L3MBTL4: variants seen among roughly 807,000 people sequenced by gnomAD.
The protein encoded by L3MBTL4 is lethal(3)malignant brain tumor-like protein 4.
L3MBTL4 carries 70 observed loss-of-function variants against 84.5 expected under a neutral mutation model. That is an observed-to-expected ratio of 0.83 (90% CI 0.68 to 1.01). The LOEUF is 1.01. L3MBTL4 is among the 50% of genes least tolerant of loss of function. The pLI is 0.00. For missense variants in L3MBTL4, 715 were observed against 754.8 expected (o/e 0.95, Z 0.62); for synonymous variants, 274 against 259.8 (o/e 1.05, Z -0.52).
At chr18:6,391,823 A>C (rs1049292983) in intron 1 of L3MBTL4, among the ~76,000 whole-genome samples, 6 of 151,190 alleles carry the variant, frequency 4.0e-5, no homozygotes, top group African/African-American at 1.2e-4. Context: ...CTACAAGGAT[A>C]ACTGCAAAAC....
chr18:6,149,724 C>T (rs2042810050), intron 13 of L3MBTL4, among the ~76,000 whole-genome samples: 1 of 152,120 alleles, frequency 6.6e-6, no homozygotes, highest in Non-Finnish European at 1.5e-5. Context: ...TTATTTTGCC[C>T]TAAACCTCCT....
At chr18:6,227,837 AT>A (rs993646713) in intron 10 of L3MBTL4, among the ~76,000 whole-genome samples, 10 of 151,470 alleles carry the variant, frequency 6.6e-5, no homozygotes, top group Non-Finnish European at 7.4e-5. Context: ...CACCTAGCTA[AT>A]TTTTTTTTAA....
intron 16 of L3MBTL4, among the ~76,000 whole-genome samples, chr18:6,028,703 T>G (rs2055632750): frequency 6.6e-6 from 1 of 152,234 alleles, no homozygotes; most frequent in Admixed American, 6.5e-5. Context: ...GTGTCCTCTC[T>G]TATTTCCTTG....
intron 4 of L3MBTL4, among the ~76,000 whole-genome samples, chr18:6,282,356 T>C (rs1200290142): frequency 6.6e-6 from 1 of 152,182 alleles, no homozygotes; most frequent in Admixed American, 6.5e-5. Flanking sequence ...AAGACTTGTC[T>C]GAGAAATCAG....
In L3MBTL4 at chr18:6,084,817, C is replaced by T. The variant is rs1295428772; in HGVS notation, c.1374-3866G>A. Reference sequence around the variant, plus strand: ...GGTGAGAGATGGTAGAAAAAGCCTTCAGGAGATGAGTTTGAACTGGGCCTC... The same window carrying T: ...GGTGAGAGATGGTAGAAAAAGCCTTTAGGAGATGAGTTTGAACTGGGCCTC... On this transcript the variant is annotated intron_variant, in intron 15 of 18. Coordinates refer to ENST00000317931, the MANE Select transcript of L3MBTL4 (RefSeq NM_001330559.2). Among the ~76,000 whole-genome samples the T allele has an allele frequency of 2.0e-5, 3 of 152,166 alleles. No homozygotes were observed. The East Asian group carries it at 5.8e-4, about 29-fold the overall frequency.
intron 14 of L3MBTL4, among the ~76,000 whole-genome samples, chr18:6,106,070 T>C (rs2058995723): frequency 6.6e-6 from 1 of 152,196 alleles, no homozygotes; most frequent in African/African-American, 2.4e-5. Flanking sequence ...ACTGTTATTA[T>C]CTGCATTTTA....
At chr18:6,186,002 ATATTT>A (rs543531502) in intron 12 of L3MBTL4, among the ~76,000 whole-genome samples, 18 of 134,182 alleles carry the variant, frequency 1.3e-4, no homozygotes, top group Non-Finnish European at 2.5e-4. Flanking sequence ...TTATTATTTT[ATATTT>A]TATTTTATTT....
intron 16 of L3MBTL4, among the ~76,000 whole-genome samples, chr18:6,012,927 T>A (rs965020618): frequency 2.0e-5 from 3 of 152,160 alleles, no homozygotes; most frequent in African/African-American, 4.8e-5. Context: ...TTCTGGCACC[T>A]CTCCTCTCTT....
In L3MBTL4 at chr18:6,213,171, T is replaced by A; in HGVS notation, c.959A>T (p.Asp320Val). 9 of 1,595,876 alleles carry A rather than the reference T, an allele frequency of 5.6e-6. No homozygotes were observed. Among genetic ancestry groups the A allele is most frequent in the Non-Finnish European group, 7.7e-6 (9 of 1,170,640 alleles). The change falls in exon 12 of 19, where the codon GAT (aspartate) becomes GTT (valine). Residue 320 changes from aspartate (D) to valine (V), a missense_variant. Asp to Val is a radical substitution (Grantham distance 152, BLOSUM62 -3). Coordinates refer to ENST00000317931, the MANE Select transcript of L3MBTL4 (RefSeq NM_001330559.2). ...PRLIRVATIVDVDDQRVKVHF... is the reference protein window; with the variant it reads ...PRLIRVATIVVVDDQRVKVHF... ...TACCTTTACTCTTTGGTCATCAACA[T>A]CTACAATCGTAGCAACACGAATTAA...
At chr18:6,277,277 T>TA (rs1400559398) in intron 4 of L3MBTL4, among the ~76,000 whole-genome samples, 1 of 152,080 alleles carries the variant, frequency 6.6e-6, no homozygotes, top group Non-Finnish European at 1.5e-5. Context: ...CCCTAAAACT[T>TA]AAAGTATAAT....
At chr18:6,287,010 C>T (rs950669631) in intron 4 of L3MBTL4, among the ~76,000 whole-genome samples, 1 of 152,160 alleles carries the variant, frequency 6.6e-6, no homozygotes, top group Non-Finnish European at 1.5e-5. Flanking sequence ...GATAAGGCAG[C>T]TTATGGTCCT....
intron 3 of L3MBTL4, 64 bp from the exon 4 acceptor site, chr18:6,302,021 A>G (rs2050361998): frequency 7.7e-7 from 1 of 1,300,814 alleles, no homozygotes; most frequent in Admixed American, 1.7e-5. Flanking sequence ...ACTGAAAACT[A>G]ATGTTCCTTT....
intron 1 of L3MBTL4, among the ~76,000 whole-genome samples, chr18:6,371,877 T>G (rs570987323): frequency 6.6e-6 from 1 of 152,332 alleles, no homozygotes; most frequent in South Asian, 2.1e-4. Context: ...AAGACATACA[T>G]GAATTCCATG....
At chr18:6,270,327 C>A (rs1287426930) in intron 4 of L3MBTL4, among the ~76,000 whole-genome samples, 1 of 152,092 alleles carries the variant, frequency 6.6e-6, no homozygotes, top group Non-Finnish European at 1.5e-5. Flanking sequence ...TCAGTACTAC[C>A]GAATTTAAAT....
intron 4 of L3MBTL4, among the ~76,000 whole-genome samples, chr18:6,288,011 C>G (rs573560826): frequency 7.2e-5 from 11 of 152,280 alleles, no homozygotes; most frequent in African/African-American, 2.2e-4. Context: ...TCGCTGCACT[C>G]CAGCCTGGGT....
chr18:6,323,947 G>A (rs1193588558), intron 1 of L3MBTL4, among the ~76,000 whole-genome samples: 7 of 149,188 alleles, frequency 4.7e-5, no homozygotes, highest in Admixed American at 2.0e-4. Context: ...GGAGGCCAAG[G>A]AGGGAAGAAT....
chr18:6,334,541 G>A lies in L3MBTL4; in HGVS notation c.-90-22485C>T, dbSNP rs2052227834. Among the ~76,000 whole-genome samples the A allele has an allele frequency of 2.0e-5, 3 of 152,152 alleles. No individual in the cohort carries two copies. The South Asian group carries it at 6.2e-4, about 32-fold the overall frequency. On this transcript the variant is annotated intron_variant, in intron 1 of 18. Coordinates refer to ENST00000317931, the MANE Select transcript of L3MBTL4 (RefSeq NM_001330559.2). ...AAAAATATGTTTAAAAAGTAAAGGG[G>A]AGTTCCTTCAAAAAGGAACATACAT...
intron 13 of L3MBTL4, among the ~76,000 whole-genome samples, chr18:6,146,239 C>G (rs1315032417): frequency 6.6e-6 from 1 of 152,182 alleles, no homozygotes; most frequent in African/African-American, 2.4e-5. Flanking sequence ...CGCTCTGCAT[C>G]GTGGCTGCGA....
chr18:6,208,729 A>C (rs1257147256), intron 12 of L3MBTL4, among the ~76,000 whole-genome samples: 1 of 152,244 alleles, frequency 6.6e-6, no homozygotes, highest in Non-Finnish European at 1.5e-5. Context: ...CACACACTGT[A>C]CAACCAAACA....
Sources: allele counts gnomAD v4.1 joint callset (sites outside exome capture counted in the v4.1 genomes callset), GRCh38; gene constraint gnomAD v4.1.1; transcripts MANE v1.5; gene names NCBI Gene and HGNC (gene_info 2026-07-23, HGNC 2026-07-21).